The following BCKDHB variants were observed in gnomAD, a reference collection of about 807,000 sequenced individuals.
The protein encoded by BCKDHB is 2-oxoisovalerate dehydrogenase subunit beta, mitochondrial.
A neutral mutation model predicts 48.5 loss-of-function variants in BCKDHB; 41 were observed. The observed-to-expected ratio is 0.85, with a 90% CI of 0.66 to 1.10. The LOEUF (loss-of-function observed/expected upper bound fraction) is 1.10, where lower values mean the gene tolerates loss of function less well. Ranked by LOEUF, BCKDHB falls within the 50% of genes least tolerant of loss-of-function variation. The probability of loss-of-function intolerance (pLI) is 0.00; values close to 1 mark genes in which losing one functional copy is unlikely to be tolerated. For missense variants in BCKDHB, 496 were observed against 494.2 expected, an observed-to-expected ratio of 1.00 and a Z score of -0.03; for synonymous variants, 201 against 174.8, an observed-to-expected ratio of 1.15 and a Z score of -1.18.
At chr6:80,350,807 A>G (rs1770371928), downstream of BCKDHB, among the ~76,000 whole-genome samples, 1 of 152,156 alleles carries the variant, frequency 6.6e-6, no homozygotes. Context: ...CTACTTATTT[A>G]TCATGGGTTT....
At chr6:80,229,451 A>G (rs1029670708) in intron 8 of BCKDHB, among the ~76,000 whole-genome samples, 6 of 152,204 alleles carry the variant, frequency 3.9e-5, no homozygotes, top group Admixed American at 3.9e-4. Context: ...TTGGAGGAAC[A>G]GCAATAAGCT....
chr6:80,152,892 GA>G (rs1439315379), intron 3 of BCKDHB, among the ~76,000 whole-genome samples: 2 of 152,154 alleles, frequency 1.3e-5, no homozygotes, highest in Non-Finnish European at 2.9e-5. Flanking sequence ...AGGGACCCTT[GA>G]GGGGGCTAGT....
chr6:80,203,388 A>G (rs1316612652), intron 8 of BCKDHB, among the ~76,000 whole-genome samples, 176 bp downstream of exon 8: 1 of 152,136 alleles, frequency 6.6e-6, no homozygotes, highest in Non-Finnish European at 1.5e-5. Flanking sequence ...GCTCAAGGAA[A>G]CAAATCACTA....
At chr6:80,287,378 T>C (rs564284429) in intron 9 of BCKDHB, among the ~76,000 whole-genome samples, 18 of 152,152 alleles carry the variant, frequency 1.2e-4, no homozygotes, top group African/African-American at 4.1e-4. Flanking sequence ...TAGGACTATA[T>C]AGCAATTTTT....
At chr6:80,287,818 C>T (rs1486919452) in intron 9 of BCKDHB, among the ~76,000 whole-genome samples, 11 of 152,168 alleles carry the variant, frequency 7.2e-5, no homozygotes, top group Admixed American at 4.6e-4. Context: ...CCCCTGTGCA[C>T]GTTCCCTTAT....
chr6:80,113,728 A>G (rs1416199127), intron 1 of BCKDHB, among the ~76,000 whole-genome samples: 1 of 152,212 alleles, frequency 6.6e-6, no homozygotes, highest in Non-Finnish European at 1.5e-5. Context: ...GGAAAAAATG[A>G]AGCAACAAAA....
At chr6:80,197,911 C>T (rs944107535) in intron 6 of BCKDHB, among the ~76,000 whole-genome samples, 2 of 151,556 alleles carry the variant, frequency 1.3e-5, no homozygotes, top group African/African-American at 4.8e-5. Flanking sequence ...TCCACCCGCC[C>T]GTCCATTGAT....
the BCKDHB span, among the ~76,000 whole-genome samples, chr6:80,399,244 C>T: frequency 6.6e-6 from 1 of 151,532 alleles, no homozygotes; most frequent in African/African-American, 2.4e-5. Context: ...TATTAGAAGT[C>T]CTGACCAGAG....
intron 3 of BCKDHB, among the ~76,000 whole-genome samples, chr6:80,140,527 T>G (rs1240136477): frequency 6.6e-6 from 1 of 152,200 alleles, no homozygotes; most frequent in Non-Finnish European, 1.5e-5. Context: ...TTGTTGAATT[T>G]TGTCAAAGGC....
chr6:80,429,257 CT>C, the BCKDHB span, among the ~76,000 whole-genome samples: 2 of 152,172 alleles, frequency 1.3e-5, no homozygotes, highest in Non-Finnish European at 2.9e-5. Context: ...CAATACCATG[CT>C]GTTTTTGTTA....
the BCKDHB span, among the ~76,000 whole-genome samples, chr6:80,385,997 A>G: frequency 2.6e-5 from 4 of 152,198 alleles, no homozygotes; most frequent in East Asian, 5.8e-4. Context: ...GGATTAAAAG[A>G]TGGCCCACTG....
chr6:80,211,598 A>G (rs904257754), intron 8 of BCKDHB, among the ~76,000 whole-genome samples: 1 of 152,128 alleles, frequency 6.6e-6, no homozygotes, highest in African/African-American at 2.4e-5. Context: ...ATTCCTTACC[A>G]TGGCCTACAA....
intron 9 of BCKDHB, among the ~76,000 whole-genome samples, chr6:80,319,591 A>G (rs1768609959): frequency 6.6e-6 from 1 of 152,188 alleles, no homozygotes; most frequent in Admixed American, 6.5e-5. Flanking sequence ...CTCTGGTTGT[A>G]CTGCAAAAGT....
intron 9 of BCKDHB, among the ~76,000 whole-genome samples, chr6:80,329,389 A>G (rs1383605786): frequency 1.3e-5 from 2 of 152,322 alleles, no homozygotes; most frequent in South Asian, 2.1e-4. Flanking sequence ...ACATCTAATG[A>G]TATTTCTGGG....
intron 2 of BCKDHB, among the ~76,000 whole-genome samples, 164 bp from the exon 3 acceptor site, chr6:80,128,997 G>T (rs1770484113): frequency 6.6e-6 from 1 of 151,960 alleles, no homozygotes. Flanking sequence ...GAATCATCTA[G>T]TCTAAAATGT....
At chr6:80,400,302 A>C in the BCKDHB span, among the ~76,000 whole-genome samples, 2 of 152,114 alleles carry the variant, frequency 1.3e-5, no homozygotes, top group Non-Finnish European at 2.9e-5. Context: ...GAATGGGAGA[A>C]AATTTTTGCG....
chr6:80,200,651 T>C (rs1774347129), intron 6 of BCKDHB, among the ~76,000 whole-genome samples: 1 of 152,202 alleles, frequency 6.6e-6, no homozygotes, highest in South Asian at 2.1e-4. Flanking sequence ...TACATTCTTA[T>C]TGACTAATGT....
the BCKDHB span, among the ~76,000 whole-genome samples, chr6:80,403,062 C>T: frequency 2.6e-5 from 4 of 151,536 alleles, no homozygotes; most frequent in East Asian, 1.9e-4. Flanking sequence ...CGTTTTTTCT[C>T]GATAATACTG....
At chr6:80,286,169 G>A (rs111698750) in intron 9 of BCKDHB, among the ~76,000 whole-genome samples, 7 of 152,002 alleles carry the variant, frequency 4.6e-5, no homozygotes, top group Admixed American at 3.3e-4. Context: ...ATATTTGGGC[G>A]ATCAGCACAA....
Sources: allele counts gnomAD v4.1 joint callset (sites outside exome capture counted in the v4.1 genomes callset), GRCh38; gene constraint gnomAD v4.1.1; transcripts MANE v1.5; gene names NCBI Gene and HGNC (gene_info 2026-07-23, HGNC 2026-07-21).